The following SDK2 variants were observed in gnomAD, a reference collection of about 807,000 sequenced individuals.
The protein encoded by SDK2 is sidekick cell adhesion molecule 2.
In SDK2, 105 loss-of-function variants were observed where a neutral mutation model predicts 253.9. That is an observed-to-expected ratio of 0.41 (90% CI 0.35 to 0.49). The LOEUF (loss-of-function observed/expected upper bound fraction) is 0.49, where lower values mean the gene tolerates loss of function less well. SDK2 is among the 20% of genes least tolerant of loss of function. The pLI is 0.06. For synonymous variants in SDK2, 1,249 were observed against 1,234.9 expected, an observed-to-expected ratio of 1.01 and a Z score of -0.24; for missense variants, 2,608 against 3,003.0, an observed-to-expected ratio of 0.87 and a Z score of 3.07.
intron 2 of SDK2, among the ~76,000 whole-genome samples, chr17:73,504,069 C>A (rs186240080): frequency 6.6e-6 from 1 of 152,122 alleles, no homozygotes; most frequent in South Asian, 2.1e-4. Context: ...GCTCTGACTT[C>A]GGTTCTGTGG....
intron 1 of SDK2, among the ~76,000 whole-genome samples, chr17:73,512,840 A>C (rs923577352): frequency 6.6e-6 from 1 of 152,214 alleles, no homozygotes; most frequent in African/African-American, 2.4e-5. Flanking sequence ...TAGAATTTCA[A>C]ATCAGTGGGT....
At chr17:73,370,670 G>T (rs1250709736) in intron 36 of SDK2, among the ~76,000 whole-genome samples, 1 of 151,782 alleles carries the variant, frequency 6.6e-6, no homozygotes, top group Non-Finnish European at 1.5e-5. Context: ...CAATCCTCCC[G>T]CCTCAGCCCC....
intron 1 of SDK2, among the ~76,000 whole-genome samples, chr17:73,638,240 T>C (rs938199825): frequency 2.1e-4 from 32 of 152,106 alleles, no homozygotes; most frequent in African/African-American, 7.2e-4. Flanking sequence ...CATTCAGTCT[T>C]CATATTATGC....
chr17:73,419,188 T>C lies in SDK2; in HGVS notation c.2164A>G (p.Ile722Val). 6.2e-7 allele frequency: 1 copy of C among 1,612,512 alleles called. No homozygotes were observed. The highest frequency in any genetic ancestry group is 8.5e-7 in the Non-Finnish European group (1 of 1,179,476). The change falls in exon 16 of 45, where the codon ATT (isoleucine) becomes GTT (valine). Residue 722 changes from isoleucine (I) to valine (V), a missense_variant. By Grantham distance (29) the Ile-to-Val change is conservative. Coordinates refer to ENST00000392650, the MANE Select transcript of SDK2 (RefSeq NM_001144952.2). ...QPPPESHQNG[I>V]LKGYIIRYCL... ...CACCTGATGATGTAACCCTTGAGAA[T>C]TCCATTCTGGTGGCTCTCAGGAGGC... is the stretch of plus-strand genomic sequence containing the variant.
chr17:73,548,028 A>G (rs1165232884), intron 1 of SDK2, among the ~76,000 whole-genome samples: 1 of 152,158 alleles, frequency 6.6e-6, no homozygotes, highest in Non-Finnish European at 1.5e-5. Context: ...AAATCTTCAG[A>G]TCTTGTGAGA....
In SDK2 at chr17:73,528,840, A is replaced by G. The variant is rs1228356817; in HGVS notation, c.65-21243T>C. On this transcript the variant is annotated intron_variant, in intron 1 of 44. Transcript: ENST00000392650. Reference sequence around the variant, plus strand: ...GTCCCCTGGCCATCCCCAGGCACAGATAACTTACGGACCAATCAATACAGC... The same window carrying G: ...GTCCCCTGGCCATCCCCAGGCACAGGTAACTTACGGACCAATCAATACAGC... Among the ~76,000 whole-genome samples the G allele has an allele frequency of 8.5e-5, 13 of 152,246 alleles. No homozygotes were observed. The East Asian group carries it at 2.5e-3, about 29-fold the overall frequency.
intron 1 of SDK2, among the ~76,000 whole-genome samples, chr17:73,524,489 G>T (rs77186573): frequency 2.0e-5 from 3 of 152,160 alleles, no homozygotes. Context: ...AGAATGAGGG[G>T]CTCCTTGTAT....
rs1599698580 is a variant in SDK2 at position 73,581,695 on chromosome 17, C to T, written c.64+62330G>A. Reference sequence around the variant, plus strand: ...AATGCCAGCCTTGCCCAGGGCTTTTCTCAAAGGACACCTCGGGGAGGCAGC... The same window carrying T: ...AATGCCAGCCTTGCCCAGGGCTTTTTTCAAAGGACACCTCGGGGAGGCAGC... On this transcript the variant is annotated intron_variant, in intron 1 of 44. Coordinates refer to ENST00000392650, the MANE Select transcript of SDK2 (RefSeq NM_001144952.2). Among the ~76,000 whole-genome samples the T allele has an allele frequency of 2.0e-5, 3 of 152,234 alleles. No individual in the cohort carries two copies. The South Asian group carries it at 6.2e-4, about 31-fold the overall frequency.
chr17:73,423,407 T>C lies in SDK2; in HGVS notation c.1876A>G (p.Ile626Val), dbSNP rs753178072. Residue 626 changes from isoleucine to valine, a missense_variant, in exon 14 of 45, where the codon ATT becomes GTT. Transcript: ENST00000392650. The stretch of plus-strand genomic sequence containing the variant: ...TTACTGTTCTCCGACATCTCCAGAA[T>C]GTAGCGGATCAGGGGGCTGTTGCCA... The part of the protein sequence containing the change: ...FDGNSPLIRY[I>V]LEMSENNAPW... The C allele has an allele frequency of 3.3e-6, 5 of 1,534,030 alleles. No individual in the cohort carries two copies. The African/African-American group carries it at 5.5e-5, about 17-fold the overall frequency.
At chr17:73,390,523 A>T (rs1312601321) in intron 28 of SDK2, 42 bp from the exon 29 acceptor site, 1 of 1,560,124 alleles carries the variant, frequency 6.4e-7, no homozygotes, top group Admixed American at 1.8e-5. Context: ...AAGCAAGGCA[A>T]GCCGCTCCTA....
At chr17:73,400,496 G>A (rs141071582) in intron 21 of SDK2, among the ~76,000 whole-genome samples, 2 of 152,278 alleles carry the variant, frequency 1.3e-5, no homozygotes, top group African/African-American at 2.4e-5. Flanking sequence ...TTTTCTGAGA[G>A]CTGTGGGAGG....
chr17:73,578,170 C>T (rs1438712973), intron 1 of SDK2, among the ~76,000 whole-genome samples: 2 of 152,028 alleles, frequency 1.3e-5, no homozygotes, highest in Non-Finnish European at 2.9e-5. Flanking sequence ...AGCAATTCCC[C>T]TGCCTCAACC....
At chr17:73,536,477 C>T (rs1261406855) in intron 1 of SDK2, among the ~76,000 whole-genome samples, 2 of 152,218 alleles carry the variant, frequency 1.3e-5, no homozygotes, top group East Asian at 1.9e-4. Flanking sequence ...ACCCTCCAAA[C>T]CCCCAGGCTG....
At chr17:73,418,465 G>A (rs1465878148) in intron 16 of SDK2, among the ~76,000 whole-genome samples, 1 of 152,158 alleles carries the variant, frequency 6.6e-6, no homozygotes, top group Non-Finnish European at 1.5e-5. Context: ...CCGCCCTTCA[G>A]GATTAGTGAA....
At chr17:73,518,553 G>C (rs2064049674) in intron 1 of SDK2, 1 of 152,120 alleles carries the variant, frequency 6.6e-6, no homozygotes, top group Non-Finnish European at 1.5e-5. Flanking sequence ...CTCCAACCTT[G>C]CATGGAAAAA....
chr17:73,342,812 A>G (rs1007242913), intron 44 of SDK2, among the ~76,000 whole-genome samples: 1 of 148,566 alleles, frequency 6.7e-6, no homozygotes, highest in African/African-American at 2.4e-5. Context: ...TGTCTGTAAA[A>G]TGGGTAGAGT....
At chr17:73,408,197 A>G (rs890044718) in intron 18 of SDK2, among the ~76,000 whole-genome samples, 8 of 150,276 alleles carry the variant, frequency 5.3e-5, no homozygotes, top group African/African-American at 2.0e-4. Flanking sequence ...GATTAGAGGC[A>G]TGTACCACTA....
rs757541604 is a variant in SDK2 at position 73,398,364 on chromosome 17, G to T, written c.3159C>A (p.Ala1053=). ...LIHQLSNEPD[A]RSMEVPDLNP... Reference sequence around the variant, plus strand: ...TGAGGTCGGGCACCTCCATGGAGCGGGCATCGGGCTCATTGGAGAGCTGGT... The same window carrying T: ...TGAGGTCGGGCACCTCCATGGAGCGTGCATCGGGCTCATTGGAGAGCTGGT... The change falls in exon 23 of 45, where the codon GCC becomes GCA. Residue 1053 remains alanine, a synonymous_variant. Transcript: ENST00000392650. 6.2e-7 allele frequency: 1 copy of T among 1,614,000 alleles called. No individual in the cohort carries two copies. The highest frequency in any genetic ancestry group is 1.7e-5 in the Admixed American group (1 of 60,034).
chr17:73,486,612 A>T (rs938464881), intron 2 of SDK2, among the ~76,000 whole-genome samples: 1 of 65,678 alleles, frequency 1.5e-5, no homozygotes, highest in African/African-American at 5.6e-5. Flanking sequence ...TCTGCTTCTA[A>T]AAAAAAAAAA....
Sources: allele counts gnomAD v4.1 joint callset (sites outside exome capture counted in the v4.1 genomes callset), GRCh38; gene constraint gnomAD v4.1.1; transcripts MANE v1.5; gene names NCBI Gene and HGNC (gene_info 2026-07-23, HGNC 2026-07-21).